TAFA2: variants seen among roughly 807,000 people sequenced by gnomAD.
TAFA2 encodes chemokine-like protein TAFA-2.
A neutral mutation model predicts 18.8 loss-of-function variants in TAFA2; 7 were observed. The ratio of observed to expected loss-of-function variants is 0.37; its 90% CI spans 0.21 to 0.70. TAFA2 has a LOEUF of 0.70. TAFA2 is among the 30% of genes least tolerant of loss of function. The probability of loss-of-function intolerance (pLI) is 0.53; values close to 1 mark genes in which losing one functional copy is unlikely to be tolerated. For missense variants in TAFA2, 122 were observed against 158.1 expected (o/e 0.77, Z 1.23); for synonymous variants, 60 against 54.2 (o/e 1.11, Z -0.47).
At position 61,809,308 on chromosome 12, in the gene TAFA2, T is replaced by C. The variant is rs180883073; in HGVS notation, c.107-54284A>G. Among the ~76,000 whole-genome samples the C allele has an allele frequency of 8.2e-3, 1,247 of 151,742 alleles. 20 individuals are homozygous for C. The highest frequency in any genetic ancestry group is 0.013 in the Non-Finnish European group (858 of 68,032). On this transcript the variant is annotated intron_variant, in intron 2 of 4. Transcript: ENST00000416284. ...AAATAGTTATAAAGCATCTTCCTTA[T>C]ATTTAGGATGACATTAAAACAGTAC...
At chr12:61,757,316 C>A (rs1869318146) in intron 2 of TAFA2, among the ~76,000 whole-genome samples, 1 of 151,918 alleles carries the variant, frequency 6.6e-6, no homozygotes, top group Non-Finnish European at 1.5e-5. Context: ...AAAGAAGAAT[C>A]AAGAATTACC....
intron 1 of TAFA2, among the ~76,000 whole-genome samples, chr12:62,100,924 A>G (rs2136849206): frequency 6.6e-6 from 1 of 152,312 alleles, no homozygotes; most frequent in Non-Finnish European, 1.5e-5. Context: ...TTTAAGTGAT[A>G]TAGGTATGTC....
At chr12:62,235,452 C>T (rs1394430087) in intron 1 of TAFA2, 4 of 629,016 alleles carry the variant, frequency 6.4e-6, no homozygotes, top group Non-Finnish European at 1.2e-5. Context: ...GCCTGGTGCG[C>T]CGCCTGCCAC....
intron 1 of TAFA2, among the ~76,000 whole-genome samples, chr12:62,003,956 T>C (rs983838869): frequency 2.0e-5 from 3 of 152,206 alleles, no homozygotes; most frequent in African/African-American, 7.2e-5. Context: ...TTGACTCATA[T>C]GTTACCGTCT....
In TAFA2 at chr12:62,238,488, T is replaced by A. The variant is rs531380383; in HGVS notation, c.-130+20275A>T. Among the ~76,000 whole-genome samples, 221 of 152,270 alleles carry A rather than the reference T, an allele frequency of 1.5e-3. 2 individuals carry two copies. The highest frequency in any genetic ancestry group is 5.1e-3 in the African/African-American group (210 of 41,550). On this transcript the variant is annotated intron_variant, in intron 1 of 5. Coordinates refer to the TAFA2 transcript ENST00000551619. ...TTACCTACATTATCTCATTTAATCC[T>A]CCCAACAGCTCTCTGAGTTAGGAAC...
At chr12:61,950,403 T>C (rs1878426160) in intron 1 of TAFA2, among the ~76,000 whole-genome samples, 1 of 152,174 alleles carries the variant, frequency 6.6e-6, no homozygotes, top group African/African-American at 2.4e-5. Flanking sequence ...GGGTTTGGAA[T>C]TCTCCACATT....
chr12:61,929,376 T>C (rs1399562081), intron 1 of TAFA2, among the ~76,000 whole-genome samples: 15 of 152,204 alleles, frequency 9.9e-5, no homozygotes, highest in Admixed American at 8.5e-4. Context: ...AAAGAAGACA[T>C]TTATGCAGCC....
chr12:62,126,734 G>A (rs556739231), intron 1 of TAFA2, among the ~76,000 whole-genome samples: 2 of 152,162 alleles, frequency 1.3e-5, no homozygotes, highest in African/African-American at 4.8e-5. Flanking sequence ...GAAGAGGGAA[G>A]AGATGACGCC....
upstream of TAFA2, among the ~76,000 whole-genome samples, chr12:62,195,357 C>G (rs1482445766): frequency 6.6e-6 from 1 of 152,170 alleles, no homozygotes; most frequent in African/African-American, 2.4e-5. Flanking sequence ...CTTTGCTCAT[C>G]CACAGAAGCA....
At chr12:62,173,419 A>T (rs1239707746) in intron 1 of TAFA2, among the ~76,000 whole-genome samples, 1 of 152,052 alleles carries the variant, frequency 6.6e-6, no homozygotes, top group Non-Finnish European at 1.5e-5. Flanking sequence ...CTCAAAAAGA[A>T]AAAAAAATAG....
chr12:61,766,091 T>C (rs1869778701), intron 2 of TAFA2, among the ~76,000 whole-genome samples: 1 of 152,088 alleles, frequency 6.6e-6, no homozygotes, highest in South Asian at 2.1e-4. Flanking sequence ...ATCCTTAACA[T>C]TTCTTTCTTG....
At chr12:61,723,966 T>C (rs1031670075) in intron 4 of TAFA2, among the ~76,000 whole-genome samples, 1 of 152,204 alleles carries the variant, frequency 6.6e-6, no homozygotes, top group Admixed American at 6.6e-5. Flanking sequence ...TGACATCAGA[T>C]ATGGTGGTGC....
In TAFA2 at chr12:61,836,562, C is replaced by G. The variant is rs1290862069; in HGVS notation, c.106+30758G>C. Among the ~76,000 whole-genome samples, 3 of 151,740 alleles carry G rather than the reference C, an allele frequency of 2.0e-5. No individual in the cohort carries two copies. In the South Asian group the frequency reaches 6.2e-4, roughly 32 times the overall value. On this transcript the variant is annotated intron_variant, in intron 2 of 4. Coordinates refer to ENST00000416284, the MANE Select transcript of TAFA2 (RefSeq NM_178539.5). ...CCACCTGGGGACTAACTAATCACTG[C>G]TAATCTCAATTACACTGAGTAACTT... is the stretch of plus-strand genomic sequence containing the variant.
chr12:61,851,819 C>G (rs1378854512), intron 2 of TAFA2, among the ~76,000 whole-genome samples: 2 of 50,506 alleles, frequency 4.0e-5, no homozygotes, highest in South Asian at 7.4e-4. Context: ...AAAAAAAAAA[C>G]ATGTTCTAAG....
At chr12:61,821,883 G>C (rs79207496) in intron 2 of TAFA2, among the ~76,000 whole-genome samples, 2,723 of 152,058 alleles carry the variant, frequency 0.018, 81 homozygotes, top group African/African-American at 0.063. Context: ...CATTTTCCTA[G>C]GCATTATCAC....
upstream of TAFA2, chr12:62,258,905 T>C (rs1289712592): frequency 5.4e-6 from 1 of 185,006 alleles, no homozygotes; most frequent in Admixed American, 6.4e-5. Flanking sequence ...CTCTTAATCT[T>C]TTAACCTGTC....
At chr12:61,809,993 T>C (rs1302189235) in intron 2 of TAFA2, among the ~76,000 whole-genome samples, 1 of 151,342 alleles carries the variant, frequency 6.6e-6, no homozygotes, top group East Asian at 1.9e-4. Flanking sequence ...CCCCTCCACA[T>C]CTGCCAGGGA....
At chr12:62,251,664 A>G (rs1377685029) in intron 1 of TAFA2, among the ~76,000 whole-genome samples, 1 of 152,220 alleles carries the variant, frequency 6.6e-6, no homozygotes, top group Non-Finnish European at 1.5e-5. Flanking sequence ...TTAATTTATA[A>G]AAAGAACTTA....
chr12:62,102,650 C>T (rs1869261695), intron 1 of TAFA2, among the ~76,000 whole-genome samples: 1 of 152,104 alleles, frequency 6.6e-6, no homozygotes, highest in African/African-American at 2.4e-5. Flanking sequence ...AACTACATGG[C>T]TTTATAGAGA....
Sources: gnomAD v4.1 joint callset for allele counts (sites outside exome capture counted in the v4.1 genomes callset) on GRCh38, gnomAD v4.1.1 for gene constraint, MANE v1.5 for transcripts, NCBI Gene and HGNC (gene_info 2026-07-23, HGNC 2026-07-21) for gene names.